Variants in ZRSR2 observed in about 807,000 individuals in gnomAD.
ZRSR2 encodes the protein U2 small nuclear ribonucleoprotein auxiliary factor 35 kDa subunit-related protein 2.
In ZRSR2, 3 loss-of-function variants were observed where a neutral mutation model predicts 39.4. The ratio of observed to expected loss-of-function variants is 0.08; its 90% confidence interval spans 0.03 to 0.20. The LOEUF (loss-of-function observed/expected upper bound fraction) is 0.20. Ranked by LOEUF, ZRSR2 falls within the 10% of genes least tolerant of loss-of-function variation. ZRSR2 has a pLI of 1.00. For missense variants in ZRSR2, 256 were observed against 391.5 expected (o/e 0.65, Z 2.92); for synonymous variants, 137 against 136.0 (o/e 1.01, Z -0.05).
At chrX:15,809,518 G>C in intron 7 of ZRSR2, among the ~76,000 whole-genome samples, 200 bp downstream of exon 7, 1 of 112,443 alleles carries the variant, frequency 8.9e-6, no homozygotes, top group Admixed American at 9.4e-5. Flanking sequence ...CTTGTTCCCT[G>C]GGTGGGCTTA....
intron 7 of ZRSR2, 83 bp from the exon 8 acceptor site, chrX:15,815,594 A>C (rs747369471): frequency 4.6e-4 from 400 of 866,270 alleles, no homozygotes; most frequent in Non-Finnish European, 6.1e-4. Context: ...GGCGTGAGCC[A>C]CCATGCCTGG....
rs758109069 is a variant in ZRSR2, at chrX:15,808,037, C to A, written c.400-196C>A. Among the ~76,000 whole-genome samples the A allele has an allele frequency of 9.0e-4, 65 of 72,112 alleles. 2 individuals are homozygous for A. The highest frequency in any genetic ancestry group is 8.8e-3 in the Admixed American group (57 of 6,451). 62.6% of individuals were successfully genotyped at this position (72,112 alleles called of 115,157 possible). On this transcript the variant is annotated intron_variant, in intron 5 of 10. Coordinates refer to ENST00000307771, the MANE Select transcript of ZRSR2 (RefSeq NM_005089.4). ...CCTGGGTGACAGAGTGAGACCCTGT[C>A]TCAAAAAAAAAAGAGAAAAGTCTCA...
chrX:15,790,879 C>G, intron 1 of ZRSR2, 55 bp from the exon 2 acceptor site: 1 of 1,104,517 alleles, frequency 9.1e-7, no homozygotes, highest in Non-Finnish European at 1.3e-6. Context: ...GCGGGGAGCT[C>G]GGGCAGCGCT....
At chrX:15,820,026 A>C (rs773933518) in intron 9 of ZRSR2, among the ~76,000 whole-genome samples, 181 bp from the exon 10 acceptor site, 3 of 112,390 alleles carry the variant, frequency 2.7e-5, no homozygotes, top group African/African-American at 9.7e-5. Flanking sequence ...GTTAGTAAAA[A>C]GGGTTCCTGA....
intron 2 of ZRSR2, among the ~76,000 whole-genome samples, chrX:15,796,022 T>C (rs1932442295): frequency 9.1e-6 from 1 of 110,177 alleles, no homozygotes; most frequent in Non-Finnish European, 1.9e-5. Context: ...AGTGATTTTC[T>C]TTTTTGTTTT....
Position 15,823,046 on chromosome X carries a change from A to G in ZRSR2, c.1253A>G (p.His418Arg). Residue 418 changes from histidine (H) to arginine (R), a missense_variant, in exon 11 of 11, where the codon CAC becomes CGC. His to Arg is a conservative substitution (Grantham distance 29, BLOSUM62 0). This residue lies in a region of ZRSR2 where 111 missense variants were observed against 116.7 expected (regional missense o/e 0.95). Transcript: ENST00000307771. ...HKRTSKSRER[H>R]NSRSRGRNRD... ...CGCACATCAAAGAGTCGGGAGAGGC[A>G]CAATTCACGAAGCAGAGGAAGAAAT... The G allele has an allele frequency of 8.3e-7, 1 of 1,211,987 alleles. No homozygotes were observed. Among genetic ancestry groups the G allele is most frequent in the Non-Finnish European group, 1.1e-6 (1 of 895,512 alleles).
chrX:15,806,822 C>G (rs1408998524), intron 5 of ZRSR2, among the ~76,000 whole-genome samples: 1 of 111,570 alleles, frequency 9.0e-6, no homozygotes, highest in Non-Finnish European at 1.9e-5. Flanking sequence ...CGCCCATCAC[C>G]ACACCCGGCT....
chrX:15,804,396 GT>G (rs1223104883), intron 5 of ZRSR2, 199 bp downstream of exon 5: 1 of 288,145 alleles, frequency 3.5e-6, no homozygotes, highest in Admixed American at 9.4e-5. Flanking sequence ...ATTCCTTAAA[GT>G]TTTCTTCAGC....
chrX:15,792,536 T>G (rs1932317747), intron 2 of ZRSR2, among the ~76,000 whole-genome samples: 1 of 112,718 alleles, frequency 8.9e-6, no homozygotes, highest in African/African-American at 3.2e-5. Context: ...GTGAAACTAA[T>G]GCTCCTCACA....
At chrX:15,796,410 A>G (rs1932461674) in intron 2 of ZRSR2, among the ~76,000 whole-genome samples, 2 of 112,428 alleles carry the variant, frequency 1.8e-5, no homozygotes, top group South Asian at 7.2e-4. Context: ...GAATACTCAT[A>G]GTATTTGAGC....
chrX:15,815,626 G>A, intron 7 of ZRSR2, 51 bp from the exon 8 acceptor site: 1 of 1,072,305 alleles, frequency 9.3e-7, no homozygotes, highest in Non-Finnish European at 1.3e-6. Flanking sequence ...TGTTTTGTGA[G>A]TAATTTTCAA....
intron 2 of ZRSR2, among the ~76,000 whole-genome samples, chrX:15,793,966 T>C (rs1205990131): frequency 8.9e-6 from 1 of 112,599 alleles, no homozygotes; most frequent in South Asian, 3.6e-4. Context: ...ATTTCTGGAA[T>C]AGTGAGCTCT....
chrX:15,822,694 C>T (rs1008676303), intron 10 of ZRSR2, 37 bp from the exon 11 acceptor site: 5 of 1,209,689 alleles, frequency 4.1e-6, no homozygotes, highest in Non-Finnish European at 4.5e-6. Context: ...TCAGAATATG[C>T]AGTGATAAGT....
At chrX:15,809,427 A>C in intron 7 of ZRSR2, 109 bp downstream of exon 7, 2 of 556,509 alleles carry the variant, frequency 3.6e-6, no homozygotes, top group Non-Finnish European at 6.1e-6. Flanking sequence ...GTCCGTCATC[A>C]GACATCTGCT....
At chrX:15,808,355 G>A in intron 6 of ZRSR2, 84 bp downstream of exon 6, 1 of 904,949 alleles carries the variant, frequency 1.1e-6, no homozygotes, top group East Asian at 3.1e-5. Flanking sequence ...TAGTTTCGTG[G>A]TAGGTTAGTT....
chrX:15,822,236 C>T (rs989315475), intron 10 of ZRSR2, among the ~76,000 whole-genome samples: 7 of 111,658 alleles, frequency 6.3e-5, no homozygotes, highest in African/African-American at 2.3e-4. Context: ...GGTCTGTGCC[C>T]GCCTCAGCCT....
At chrX:15,800,734 A>T (rs776522450) in intron 3 of ZRSR2, among the ~76,000 whole-genome samples, 1 of 112,359 alleles carries the variant, frequency 8.9e-6, no homozygotes, top group East Asian at 2.8e-4. Flanking sequence ...TAATTCAGCC[A>T]TTTCAGTGGC....
At chrX:15,811,311 A>G (rs993476406) in intron 7 of ZRSR2, among the ~76,000 whole-genome samples, 1 of 112,133 alleles carries the variant, frequency 8.9e-6, no homozygotes, top group Non-Finnish European at 1.9e-5. Context: ...TTGCATGGGT[A>G]CTTGAACCAA....
At chrX:15,797,208 C>CTTTT (rs150083525) in intron 2 of ZRSR2, among the ~76,000 whole-genome samples, 1 of 95,710 alleles carries the variant, frequency 1.0e-5, no homozygotes, top group African/African-American at 3.8e-5. Context: ...TCTGCATTAA[C>CTTTT]TTTTTTTTTT....
Sources: gnomAD v4.1 joint callset for allele counts (sites outside exome capture counted in the v4.1 genomes callset) on GRCh38, gnomAD v4.1.1 for gene constraint, gnomAD v4.1.1 regional missense constraint, MANE v1.5 for transcripts, NCBI Gene and HGNC (gene_info 2026-07-23, HGNC 2026-07-21) for gene names.